NF2: variants seen among roughly 807,000 people sequenced by gnomAD.
The protein encoded by NF2 is NF2, moesin-ezrin-radixin like (MERLIN) tumor suppressor, also known as merlin.
Under a neutral mutation model 83.7 loss-of-function variants are expected in NF2, and 8 were observed. The ratio of observed to expected loss-of-function variants is 0.10; its 90% CI spans 0.06 to 0.17. The LOEUF is 0.17. Among genes scored for constraint, NF2 ranks in the 10% least tolerant of loss-of-function variants. The pLI is 1.00. For missense variants in NF2, 533 were observed against 744.4 expected (o/e 0.72, Z 3.31); for synonymous variants, 266 against 269.6 (o/e 0.99, Z 0.13).
intron 8 of NF2, among the ~76,000 whole-genome samples, chr22:29,662,226 C>G (rs2066499562): frequency 6.6e-6 from 1 of 152,170 alleles, no homozygotes; most frequent in Non-Finnish European, 1.5e-5. Context: ...CTTGACCTCC[C>G]TGGGCTCAGG....
chr22:29,615,441 C>T (rs967665811), intron 1 of NF2, among the ~76,000 whole-genome samples: 3 of 152,178 alleles, frequency 2.0e-5, no homozygotes, highest in Non-Finnish European at 4.4e-5. Flanking sequence ...GGCGTGGTGG[C>T]TTGCACCTGT....
intron 1 of NF2, among the ~76,000 whole-genome samples, chr22:29,610,656 AAAG>A (rs1353633207): frequency 1.6e-4 from 25 of 151,894 alleles, no homozygotes; most frequent in African/African-American, 5.3e-4. Context: ...AAAAAAAAAA[AAAG>A]AAGAAAGAAA....
rs955845171 is a variant in NF2 at position 29,650,850 on chromosome 22, G to A, written c.448-3807G>A. Among the ~76,000 whole-genome samples the A allele has an allele frequency of 5.3e-5, 8 of 152,118 alleles. 1 individual carries two copies. Among genetic ancestry groups the A allele is most frequent in the Admixed American group, 6.5e-5 (1 of 15,272 alleles). On this transcript the variant is annotated intron_variant, in intron 4 of 15. Coordinates refer to ENST00000338641, the MANE Select transcript of NF2 (RefSeq NM_000268.4). Reference sequence around the variant, plus strand: ...ACTCCTGACCTCAGGTGATCCATCCGCCTCGGCCTCTCAAAGTGCTGGGAT... The same window carrying A: ...ACTCCTGACCTCAGGTGATCCATCCACCTCGGCCTCTCAAAGTGCTGGGAT...
At chr22:29,644,729 GC>G (rs2065933211) in intron 4 of NF2, among the ~76,000 whole-genome samples, 1 of 152,258 alleles carries the variant, frequency 6.6e-6, no homozygotes, top group Non-Finnish European at 1.5e-5. Context: ...GACCGGCCCG[GC>G]CAACACAGCG....
chr22:29,619,880 G>A (rs1289992379), intron 1 of NF2, among the ~76,000 whole-genome samples: 1 of 152,220 alleles, frequency 6.6e-6, no homozygotes, highest in African/African-American at 2.4e-5. Flanking sequence ...CTAGGGACTA[G>A]CAGTTACTTT....
At chr22:29,675,200 T>A (rs2066925024) in intron 13 of NF2, among the ~76,000 whole-genome samples, 1 of 152,258 alleles carries the variant, frequency 6.6e-6, no homozygotes, top group African/African-American at 2.4e-5. Flanking sequence ...AATGTTTTTC[T>A]TTTTCTAAGT....
chr22:29,670,503 T>TTGTGTGTGTGTGTGTGTGTG (rs131255), intron 10 of NF2, among the ~76,000 whole-genome samples: 5 of 146,342 alleles, frequency 3.4e-5, no homozygotes, highest in South Asian at 2.2e-4. Context: ...CTTTTTGAGC[T>TTGTGTGTGTGTGTGTGTGTG]TGTGTGTGTG....
intron 9 of NF2, among the ~76,000 whole-genome samples, chr22:29,667,652 C>A (rs2066663977): frequency 6.6e-6 from 1 of 152,160 alleles, no homozygotes. Flanking sequence ...TCCGAAAGTG[C>A]TGGGATTACA....
chr22:29,653,783 G>A (rs2146962547), intron 4 of NF2, among the ~76,000 whole-genome samples: 1 of 152,276 alleles, frequency 6.6e-6, no homozygotes, highest in South Asian at 2.1e-4. Context: ...TTTTTTCACT[G>A]TTGGTGGCTA....
chr22:29,664,258 C>T (rs2066553582), intron 8 of NF2, among the ~76,000 whole-genome samples: 2 of 152,060 alleles, frequency 1.3e-5, no homozygotes, highest in African/African-American at 4.8e-5. Flanking sequence ...CGGGTGTGAG[C>T]CACCATATCT....
chr22:29,639,101 T>A lies in NF2; in HGVS notation c.252T>A (p.His84Gln), dbSNP rs374512699. The A allele has an allele frequency of 2.5e-6, 4 of 1,614,136 alleles. No individual in the cohort carries two copies. Among genetic ancestry groups the A allele is most frequent in the Non-Finnish European group, 3.4e-6 (4 of 1,180,034 alleles). The change falls in exon 3 of 16, where the codon CAT becomes CAA. Residue 84 changes from histidine (H) to glutamine (Q), a missense_variant. This residue lies in a region of NF2 where 326 missense variants were observed against 475.1 expected (regional missense o/e 0.69). Coordinates refer to ENST00000338641, the MANE Select transcript of NF2 (RefSeq NM_000268.4). Reference sequence around the variant, plus strand: ...CTGCAATTCTGCAGGTACTGGATCATGATGTTTCAAAGGAAGAACCAGTCA... The same window carrying A: ...CTGCAATTCTGCAGGTACTGGATCAAGATGTTTCAAAGGAAGAACCAGTCA... ...WLKMDKKVLD[H>Q]DVSKEEPVTF... is the part of the protein sequence containing the mutation.
chr22:29,681,418 A>G, intron 14 of NF2, 21 bp from the exon 15 acceptor site: 1 of 1,613,462 alleles, frequency 6.2e-7, no homozygotes, highest in Admixed American at 1.7e-5. Context: ...GCCCTGATGC[A>G]TGATACCCTC....
chr22:29,693,451 CTG>C (rs1026419206), intron 15 of NF2, among the ~76,000 whole-genome samples: 2 of 152,238 alleles, frequency 1.3e-5, no homozygotes, highest in East Asian at 3.8e-4. Context: ...CTAATGCTGT[CTG>C]TCTTCTGATG....
chr22:29,685,565 G>A (rs534332275), intron 15 of NF2, among the ~76,000 whole-genome samples: 1 of 150,876 alleles, frequency 6.6e-6, no homozygotes, highest in East Asian at 2.0e-4. Context: ...TTGCCACCAT[G>A]CCTGACTGAT....
intron 1 of NF2, among the ~76,000 whole-genome samples, chr22:29,620,880 G>A (rs889170732): frequency 2.6e-5 from 4 of 152,116 alleles, no homozygotes; most frequent in Non-Finnish European, 5.9e-5. Context: ...GGGTGCCCAC[G>A]TTGACCAGGC....
At chr22:29,631,048 A>T (rs2065496681) in intron 1 of NF2, among the ~76,000 whole-genome samples, 2 of 152,236 alleles carry the variant, frequency 1.3e-5, no homozygotes, top group Non-Finnish European at 2.9e-5. Flanking sequence ...CATTGCTTCG[A>T]ATCAGTGACT....
chr22:29,678,412 C>A, intron 14 of NF2, 89 bp downstream of exon 14: 1 of 1,490,152 alleles, frequency 6.7e-7, no homozygotes, highest in Non-Finnish European at 9.3e-7. Context: ...GGTGAGAGGT[C>A]GCTGCAGCAG....
At chr22:29,642,407 G>A (rs2065835984) in intron 4 of NF2, 122 bp downstream of exon 4, 1 of 788,062 alleles carries the variant, frequency 1.3e-6, no homozygotes, top group Non-Finnish European at 2.2e-6. Context: ...AAAGTGAGAT[G>A]TTATGGGACT....
intron 6 of NF2, 98 bp downstream of exon 6, chr22:29,655,774 A>T (rs953466899): frequency 5.2e-6 from 5 of 954,314 alleles, no homozygotes; most frequent in Non-Finnish European, 8.3e-6. Flanking sequence ...TGTTAAACAA[A>T]ATGCAGTACT....
Sources: gnomAD v4.1 joint callset for allele counts (sites outside exome capture counted in the v4.1 genomes callset) on GRCh38, gnomAD v4.1.1 for gene constraint, gnomAD v4.1.1 regional missense constraint, MANE v1.5 for transcripts, NCBI Gene and HGNC (gene_info 2026-07-23, HGNC 2026-07-21) for gene names.